The following FAP variants were observed in gnomAD, a reference collection of about 807,000 sequenced individuals.
The protein encoded by FAP is fibroblast activation protein alpha, also known as prolyl endopeptidase FAP.
FAP carries 110 observed loss-of-function variants against 126.5 expected under a neutral mutation model. The observed-to-expected ratio is 0.87, with a 90% CI of 0.74 to 1.02. FAP has a LOEUF of 1.02. FAP is among the 50% of genes least tolerant of loss of function. The pLI, the probability that FAP is intolerant of heterozygous loss-of-function variation, is 0.00. For synonymous variants in FAP, 334 were observed against 297.3 expected (o/e 1.12, Z -1.27); for missense variants, 919 against 909.2 (o/e 1.01, Z -0.14).
chr2:162,189,798 T>C, intron 17 of FAP, 44 bp from the exon 18 acceptor site: 2 of 1,170,564 alleles, frequency 1.7e-6, no homozygotes, highest in South Asian at 2.7e-5. Context: ...AGTATTTCCA[T>C]AAACAATTTT....
intron 2 of FAP, among the ~76,000 whole-genome samples, chr2:162,229,078 A>G (rs1455537022): frequency 6.6e-6 from 1 of 152,162 alleles, no homozygotes; most frequent in Non-Finnish European, 1.5e-5. Flanking sequence ...TTATTTTTTA[A>G]AAAGTATAAA....
rs1018602223 is a variant in FAP, at chr2:162,188,075, C to G, written c.1814+94G>C. The G allele has an allele frequency of 5.6e-5, 59 of 1,048,786 alleles. 1 individual carries two copies. The South Asian group carries it at 9.9e-4, about 18-fold the overall frequency. 65.0% of individuals were successfully genotyped at this position (1,048,786 alleles called of 1,614,324 possible). On this transcript the variant is annotated intron_variant, in intron 20 of 25. Coordinates refer to ENST00000188790, the MANE Select transcript of FAP (RefSeq NM_004460.5). Reference sequence around the variant, plus strand: ...TTAGACCAAGTTAGAAAAAGAAAAACAAAAGAATTAAGTCATGAAGAATGG... The same window carrying G: ...TTAGACCAAGTTAGAAAAAGAAAAAGAAAAGAATTAAGTCATGAAGAATGG...
intron 9 of FAP, among the ~76,000 whole-genome samples, chr2:162,217,249 C>T (rs2106272246): frequency 6.6e-6 from 1 of 152,282 alleles, no homozygotes; most frequent in Non-Finnish European, 1.5e-5. Context: ...GCAATAGCAT[C>T]CAAAGAACAA....
intron 14 of FAP, among the ~76,000 whole-genome samples, chr2:162,201,578 G>T (rs1054943400): frequency 7.9e-5 from 12 of 152,018 alleles, no homozygotes; most frequent in African/African-American, 2.7e-4. Flanking sequence ...TTCCCTGATT[G>T]TCTCCCTCTC....
chr2:162,177,227 A>G (rs905386654), intron 21 of FAP, among the ~76,000 whole-genome samples: 3 of 152,202 alleles, frequency 2.0e-5, no homozygotes, highest in Non-Finnish European at 2.9e-5. Context: ...GGATATCTTT[A>G]AAAACATTCT....
chr2:162,204,074 C>G (rs781196061), intron 12 of FAP, among the ~76,000 whole-genome samples: 1 of 152,116 alleles, frequency 6.6e-6, no homozygotes, highest in Non-Finnish European at 1.5e-5. Context: ...TTAAAGCCAG[C>G]TCTCTCTAGT....
At chr2:162,222,532 G>C (rs1467827407) in intron 6 of FAP, among the ~76,000 whole-genome samples, 1 of 152,078 alleles carries the variant, frequency 6.6e-6, no homozygotes, top group Non-Finnish European at 1.5e-5. Flanking sequence ...CTAGACAAAA[G>C]GGGAAATAGA....
chr2:162,208,901 TAATA>T (rs1688814796), intron 12 of FAP, among the ~76,000 whole-genome samples: 1 of 151,908 alleles, frequency 6.6e-6, no homozygotes, highest in South Asian at 2.1e-4. Context: ...TTATTGTATA[TAATA>T]AATAAAGTAA....
At chr2:162,175,457 T>C (rs1351918515) in intron 21 of FAP, 1 of 152,540 alleles carries the variant, frequency 6.6e-6, no homozygotes, top group East Asian at 1.9e-4. Flanking sequence ...CACAACAGAA[T>C]ACCAAAGGAA....
intron 12 of FAP, among the ~76,000 whole-genome samples, chr2:162,208,298 T>C (rs1206591708): frequency 8.6e-5 from 13 of 151,958 alleles, no homozygotes; most frequent in Admixed American, 8.5e-4. Context: ...AATTCATTCA[T>C]TCATTCAGCT....
chr2:162,194,595 A>G, intron 17 of FAP, 106 bp downstream of exon 17: 1 of 926,936 alleles, frequency 1.1e-6, no homozygotes, highest in Non-Finnish European at 1.8e-6. Context: ...ATTCCATCGC[A>G]GTTCCCCTTG....
At chr2:162,172,706 C>A in intron 25 of FAP, 105 bp downstream of exon 25, 1 of 738,292 alleles carries the variant, frequency 1.4e-6, no homozygotes, top group Middle Eastern at 2.4e-4. Context: ...CCTGCAGCCT[C>A]TTTGTCAGAT....
intron 20 of FAP, among the ~76,000 whole-genome samples, chr2:162,186,709 T>C (rs1293100031): frequency 2.6e-5 from 4 of 152,118 alleles, no homozygotes; most frequent in Non-Finnish European, 5.9e-5. Context: ...TTTCATGTAG[T>C]CCCAGGATTA....
Position 162,198,758 on chromosome 2 carries a change from G to T in FAP, c.1401C>A (p.Tyr467Ter). The change falls in exon 16 of 26, where the codon TAC (tyrosine) becomes TAA (stop). Residue 467 changes from tyrosine to a stop codon, truncating the protein, a stop_gained and splice_region_variant. Coordinates refer to ENST00000188790, the MANE Select transcript of FAP (RefSeq NM_004460.5). LOFTEE classifies it high-confidence loss of function. ...GCTTATGTGAGGTCCGTTACCTACC[G>T]TAGCAGACAAGTGCATAGTACTTGG... ...DYAKYYALVCYGPGIPISTLH... is the reference protein window; with the variant it reads ...DYAKYYALVC 2 of 1,614,020 alleles carry T rather than the reference G, an allele frequency of 1.2e-6. No individual in the cohort carries two copies. Among genetic ancestry groups the T allele is most frequent in the Non-Finnish European group, 1.7e-6 (2 of 1,179,910 alleles).
intron 2 of FAP, among the ~76,000 whole-genome samples, chr2:162,233,175 A>G (rs958158076): frequency 6.6e-6 from 1 of 152,128 alleles, no homozygotes; most frequent in African/African-American, 2.4e-5. Flanking sequence ...TTCAAAATCA[A>G]TATGTTTAAT....
chr2:162,243,323 T>G lies in FAP; in HGVS notation c.5A>C (p.Lys2Thr). 1 of 1,609,548 alleles carries G rather than the reference T, an allele frequency of 6.2e-7. No homozygotes were observed. M[K>T]TWVKIVFGVA... ...ATACTTGAGGTTGCTTATACTAACC[T>G]TCATTTTTCCAGATGTTTTTGAAAG... Residue 2 changes from lysine (K) to threonine (T), a missense_variant and splice_region_variant, in exon 1 of 26, where the codon AAG becomes ACG. Physicochemically the swap from Lys to Thr is moderately conservative, Grantham distance 78. Transcript: ENST00000188790.
intron 21 of FAP, chr2:162,175,818 G>A (rs1285257817): frequency 6.6e-6 from 1 of 152,084 alleles, no homozygotes; most frequent in South Asian, 2.1e-4. Context: ...TCCAAATAAG[G>A]TTGCACTGCC....
At chr2:162,237,621 T>C (rs1690191371) in intron 2 of FAP, among the ~76,000 whole-genome samples, 1 of 152,252 alleles carries the variant, frequency 6.6e-6, no homozygotes, top group South Asian at 2.1e-4. Context: ...TTTGGGTTGG[T>C]TCCAAGTTTT....
intron 10 of FAP, among the ~76,000 whole-genome samples, chr2:162,214,870 C>T (rs1341552607): frequency 1.3e-5 from 2 of 151,736 alleles, no homozygotes; most frequent in African/African-American, 2.4e-5. Context: ...AAAGATTGGC[C>T]GCGTGCTTAA....
Sources: gnomAD v4.1 joint callset for allele counts (sites outside exome capture counted in the v4.1 genomes callset) on GRCh38, gnomAD v4.1.1 for gene constraint, MANE v1.5 for transcripts, NCBI Gene and HGNC (gene_info 2026-07-23, HGNC 2026-07-21) for gene names.